Variants in GTF2I observed in about 807,000 individuals in gnomAD.
GTF2I encodes general transcription factor IIi, also known as general transcription factor II-I.
Under a neutral mutation model 67.6 loss-of-function variants are expected in GTF2I, and 12 were observed. The ratio of observed to expected loss-of-function variants is 0.18; its 90% CI spans 0.11 to 0.29. GTF2I has a LOEUF of 0.29. GTF2I is among the 10% of genes least tolerant of loss of function. The pLI is 1.00. For synonymous variants in GTF2I, 149 were observed against 197.0 expected (o/e 0.76, Z 2.04); for missense variants, 271 against 580.1 (o/e 0.47, Z 5.47).
In GTF2I at chr7:74,699,098, A is replaced by G; in HGVS notation, c.373+3A>G. The G allele has an allele frequency of 2.0e-6, 3 of 1,474,230 alleles. No individual in the cohort carries two copies. Among genetic ancestry groups the G allele is most frequent in the Non-Finnish European group, 2.7e-6 (3 of 1,100,318 alleles). The allele number at this position is 1,474,230 out of a possible 1,614,324, so 91.3% of individuals were successfully genotyped here. On this transcript the variant is annotated splice_donor_region_variant and intron_variant, in intron 4 of 34. Coordinates refer to ENST00000573035, the MANE Select transcript of GTF2I (RefSeq NM_032999.4). ...GGACTATTTCTGCTTTTGCTATGGTAAAAACAATAGATTTAATTTTTCTAA... is the reference window on the plus strand; with the variant it reads ...GGACTATTTCTGCTTTTGCTATGGTGAAAACAATAGATTTAATTTTTCTAA...
Position 74,706,143 on chromosome 7 carries a change from C to A in GTF2I, c.642-247C>A, listed in dbSNP as rs587708276. 4.6e-5 allele frequency among the ~76,000 whole-genome samples: 7 copies of A among 152,316 alleles called. No homozygotes were observed. The East Asian group carries it at 1.3e-3, about 29-fold the overall frequency. ...CCATATTGGCCAGGCTGGTCTTGAA[C>A]TCCTGACCTCGTGATCTGCCCGCCT... On this transcript the variant is annotated intron_variant, in intron 7 of 34. Coordinates refer to ENST00000573035, the MANE Select transcript of GTF2I (RefSeq NM_032999.4).
intron 11 of GTF2I, 93 bp downstream of exon 11, chr7:74,717,043 A>T: frequency 6.7e-7 from 1 of 1,486,612 alleles, no homozygotes; most frequent in Non-Finnish European, 9.0e-7. Context: ...CCTTATTTGG[A>T]AATAAAAGGT....
intron 6 of GTF2I, among the ~76,000 whole-genome samples, chr7:74,703,525 G>A (rs1554400424): frequency 6.6e-6 from 1 of 152,072 alleles, no homozygotes. Context: ...GACTACAGGT[G>A]CCCGCCACCA....
intron 1 of GTF2I, among the ~76,000 whole-genome samples, chr7:74,686,000 C>CCGAGAT (rs1787695238): frequency 6.6e-6 from 1 of 152,132 alleles, no homozygotes; most frequent in Non-Finnish European, 1.5e-5. Flanking sequence ...TTGCAGTGAG[C>CCGAGAT]CGAGATCGTG....
chr7:74,720,180 A>G (rs975513533), intron 12 of GTF2I, among the ~76,000 whole-genome samples: 2 of 152,234 alleles, frequency 1.3e-5, no homozygotes, highest in African/African-American at 4.8e-5. Context: ...TACAATGCAC[A>G]TTTTAAAATA....
chr7:74,663,013 G>T (rs1554387255), intron 1 of GTF2I, among the ~76,000 whole-genome samples: 2 of 152,076 alleles, frequency 1.3e-5, no homozygotes, highest in African/African-American at 4.8e-5. Context: ...CCCATAGGTG[G>T]ACAGGTTGTT....
Position 74,714,830 on chromosome 7 carries a change from T to C in GTF2I, c.764-27T>C, listed in dbSNP as rs781849703. 5.2e-6 allele frequency: 8 copies of C among 1,548,692 alleles called. No individual in the cohort carries two copies. The East Asian group carries it at 1.8e-4, about 35-fold the overall frequency. On this transcript the variant is annotated intron_variant, in intron 9 of 34. Coordinates refer to ENST00000573035, the MANE Select transcript of GTF2I (RefSeq NM_032999.4). The stretch of plus-strand genomic sequence containing the variant: ...CATTTTTTTTTGGGGGGGATTACTT[T>C]TGAAGTATTATCTTTGTATCCCAAA...
intron 1 of GTF2I, among the ~76,000 whole-genome samples, chr7:74,661,226 T>C (rs1804461162): frequency 6.6e-6 from 1 of 152,082 alleles, no homozygotes; most frequent in African/African-American, 2.4e-5. Flanking sequence ...CCAGGCTGAT[T>C]CTGCAGGTCT....
Position 74,666,257 on chromosome 7 carries a change from C to T in GTF2I, c.-6+8189C>T, listed in dbSNP as rs587600463. ...ACTGTTGACTATAACACATACATGA[C>T]GTGAGTAGAATTTTATCTAGATTGA... On this transcript the variant is annotated intron_variant, in intron 1 of 34. Transcript: ENST00000573035. Among the ~76,000 whole-genome samples, 32 of 152,194 alleles carry T rather than the reference C, an allele frequency of 2.1e-4. No individual in the cohort carries two copies. In the South Asian group the frequency reaches 6.0e-3, roughly 29 times the overall value.
intron 1 of GTF2I, among the ~76,000 whole-genome samples, chr7:74,667,360 G>A (rs1458401163): frequency 6.6e-6 from 1 of 152,038 alleles, no homozygotes; most frequent in Non-Finnish European, 1.5e-5. Context: ...AGAAAATCCT[G>A]TAAGATGAAT....
chr7:74,666,263 T>C (rs1554388482), intron 1 of GTF2I, among the ~76,000 whole-genome samples: 1 of 152,196 alleles, frequency 6.6e-6, no homozygotes, highest in Admixed American at 6.5e-5. Context: ...ATGACGTGAG[T>C]AGAATTTTAT....
chr7:74,676,880 A>G (rs908379234), intron 1 of GTF2I, among the ~76,000 whole-genome samples: 2 of 151,940 alleles, frequency 1.3e-5, no homozygotes, highest in Non-Finnish European at 2.9e-5. Flanking sequence ...ACATGGGGAA[A>G]CCCTGTCTCT....
At chr7:74,723,279 C>T (rs1554404992) in intron 12 of GTF2I, among the ~76,000 whole-genome samples, 1 of 151,738 alleles carries the variant, frequency 6.6e-6, no homozygotes, top group Non-Finnish European at 1.5e-5. Flanking sequence ...GCGCCCGCCA[C>T]CATGCCTGGC....
intron 1 of GTF2I, 24 bp downstream of exon 1, chr7:74,658,092 C>T (rs1487533500): frequency 5.3e-5 from 8 of 151,522 alleles, no homozygotes; most frequent in African/African-American, 1.7e-4. Context: ...GCCTCATCCC[C>T]GCGCCCCCCG....
At chr7:74,679,537 T>C (rs116226191) in intron 1 of GTF2I, among the ~76,000 whole-genome samples, 73 of 152,360 alleles carry the variant, frequency 4.8e-4, no homozygotes, top group African/African-American at 1.7e-3. Flanking sequence ...AATTCTCTGC[T>C]GAAAGACTGT....
intron 16 of GTF2I, 31 bp downstream of exon 16, chr7:74,734,012 G>T: frequency 2.8e-6 from 4 of 1,444,236 alleles, no homozygotes; most frequent in Non-Finnish European, 3.9e-6. Flanking sequence ...CAGATCAGAA[G>T]ATTATGTGCA....
intron 3 of GTF2I, among the ~76,000 whole-genome samples, chr7:74,693,265 ATTTTTTTTTTTTT>A (rs1158949751): frequency 8.4e-5 from 7 of 83,020 alleles, no homozygotes; most frequent in South Asian, 7.4e-4. Context: ...CTGTAGTGGA[ATTTTTTTTTTTTT>A]TTTTTTTTTT....
chr7:74,673,794 C>T (rs1424063418), intron 1 of GTF2I, among the ~76,000 whole-genome samples: 1 of 148,736 alleles, frequency 6.7e-6, no homozygotes, highest in Non-Finnish European at 1.5e-5. Flanking sequence ...GATTCTCCCG[C>T]CTCAGCCTCC....
At chr7:74,720,220 T>A (rs1447150436) in intron 12 of GTF2I, among the ~76,000 whole-genome samples, 1 of 152,226 alleles carries the variant, frequency 6.6e-6, no homozygotes, top group Non-Finnish European at 1.5e-5. Flanking sequence ...CCCCCTCCCA[T>A]AACTGCACAT....
Sources: gnomAD v4.1 joint callset for allele counts (sites outside exome capture counted in the v4.1 genomes callset) on GRCh38, gnomAD v4.1.1 for gene constraint, MANE v1.5 for transcripts, NCBI Gene and HGNC (gene_info 2026-07-23, HGNC 2026-07-21) for gene names.